Variants in SLC28A3 observed in about 807,000 individuals in gnomAD.
SLC28A3 encodes the protein solute carrier family 28 member 3.
A neutral mutation model predicts 84.2 loss-of-function variants in SLC28A3; 68 were observed. The observed-to-expected ratio is 0.81, with a 90% confidence interval of 0.66 to 0.99. The LOEUF (loss-of-function observed/expected upper bound fraction) is 0.99, where lower values mean the gene tolerates loss of function less well. Ranked by LOEUF, SLC28A3 falls within the 50% of genes least tolerant of loss-of-function variation. The pLI, the probability that SLC28A3 is intolerant of heterozygous loss-of-function variation, is 0.00. For missense variants in SLC28A3, 712 were observed against 841.5 expected (o/e 0.85, Z 1.90); for synonymous variants, 267 against 303.6 (o/e 0.88, Z 1.25).
the SLC28A3 span, among the ~76,000 whole-genome samples, chr9:84,363,083 G>T: frequency 6.6e-6 from 1 of 152,190 alleles, no homozygotes; most frequent in Non-Finnish European, 1.5e-5. Flanking sequence ...TTAACTTTCA[G>T]ATAGAGATTA....
the SLC28A3 span, among the ~76,000 whole-genome samples, chr9:84,367,483 G>A: frequency 1.3e-5 from 2 of 152,178 alleles, no homozygotes; most frequent in African/African-American, 2.4e-5. Flanking sequence ...GGTGTTTCTC[G>A]TCAGGTGGAG....
the SLC28A3 span, among the ~76,000 whole-genome samples, chr9:84,360,625 A>C: frequency 1.3e-5 from 2 of 152,314 alleles, no homozygotes; most frequent in Non-Finnish European, 1.5e-5. Flanking sequence ...GACATTTAAA[A>C]TACTGACACA....
chr9:84,316,519 T>A (rs1467694511), intron 1 of SLC28A3, among the ~76,000 whole-genome samples: 3 of 152,186 alleles, frequency 2.0e-5, no homozygotes, highest in African/African-American at 7.2e-5. Flanking sequence ...AAGGCCCACA[T>A]CCTTGTGATG....
rs1436627708 is a variant in SLC28A3 at position 84,313,443 on chromosome 9, G to GT, written c.71dup (p.Asn24LysfsTer4). The GT allele has an allele frequency of 6.8e-6, 11 of 1,613,490 alleles. No individual in the cohort carries two copies. Among genetic ancestry groups the GT allele is most frequent in the Admixed American group, 3.3e-5 (2 of 59,822 alleles). On this transcript the variant is annotated frameshift_variant, in exon 2 of 18. Coordinates refer to ENST00000376238, the MANE Select transcript of SLC28A3 (RefSeq NM_001199633.2). LOFTEE classifies it high-confidence loss of function. ...CTGATGTGTTCTCGTTCTCAAGAAA[G>GT]TTTTCTTCATTCTAAGAAAAAAGTG... is the stretch of plus-strand genomic sequence containing the variant.
intron 1 of SLC28A3, among the ~76,000 whole-genome samples, chr9:84,337,699 C>T (rs1287253477): frequency 4.6e-5 from 7 of 152,092 alleles, no homozygotes; most frequent in Admixed American, 1.3e-4. Flanking sequence ...TTATTTGCAA[C>T]TACTGTTGAA....
At chr9:84,341,021 T>C (rs4604528), upstream of SLC28A3, among the ~76,000 whole-genome samples, 76,721 of 148,876 alleles carry the variant, frequency 0.52, 21,449 homozygotes, top group Middle Eastern at 0.64. Context: ...AAAAAAAGGC[T>C]GGAGTGCAGT....
At chr9:84,321,394 A>G (rs1043135724) in intron 1 of SLC28A3, among the ~76,000 whole-genome samples, 1 of 152,012 alleles carries the variant, frequency 6.6e-6, no homozygotes, top group African/African-American at 2.4e-5. Flanking sequence ...AACAGTGGGA[A>G]GTCTTTTTCC....
At chr9:84,279,686 A>G (rs888228601) in intron 16 of SLC28A3, among the ~76,000 whole-genome samples, 12 of 152,198 alleles carry the variant, frequency 7.9e-5, no homozygotes, top group Non-Finnish European at 1.5e-4. Context: ...AACTCCTGAC[A>G]TCAGGTGACC....
At chr9:84,347,227 A>AAAAAAAAAG in the SLC28A3 span, among the ~76,000 whole-genome samples, 1 of 131,824 alleles carries the variant, frequency 7.6e-6, no homozygotes, top group African/African-American at 3.4e-5. Context: ...AAAAAAAAAA[A>AAAAAAAAAG]AAGGGAAGAA....
chr9:84,302,434 G>A (rs1825668886), intron 4 of SLC28A3, 45 bp from the exon 5 acceptor site: 1 of 1,583,596 alleles, frequency 6.3e-7, no homozygotes. Flanking sequence ...CTAACCACTG[G>A]GACACGCCTC....
Position 84,340,688 on chromosome 9 carries a change from AG to A in SLC28A3, c.-56del, listed in dbSNP as rs1333266713. The A allele has an allele frequency of 1.5e-5, 24 of 1,606,090 alleles. No homozygotes were observed. Among genetic ancestry groups the A allele is most frequent in the African/African-American group, 2.7e-5 (2 of 74,720 alleles). On this transcript the variant is annotated 5_prime_UTR_variant, in exon 1 of 18. Coordinates refer to ENST00000376238, the MANE Select transcript of SLC28A3 (RefSeq NM_001199633.2). ...TGGAGGTCCTTTGTACCTGGGAAAAAGCACCAGTCTCTGCTGATGTCAGAAA... is the reference window on the plus strand; with the variant it reads ...TGGAGGTCCTTTGTACCTGGGAAAAACACCAGTCTCTGCTGATGTCAGAAA...
At chr9:84,326,636 C>A (rs1470334512) in intron 1 of SLC28A3, among the ~76,000 whole-genome samples, 2 of 1,654 alleles carry the variant, frequency 1.2e-3, no homozygotes, top group East Asian at 0.034. Context: ...GGATTAAAAA[C>A]AACAACAACA....
Position 84,297,894 on chromosome 9 carries a change from A to T in SLC28A3, c.783+12T>A, listed in dbSNP as rs1248742922. 4 of 1,588,756 alleles carry T rather than the reference A, an allele frequency of 2.5e-6. No homozygotes were observed. In the African/African-American group the frequency reaches 5.5e-5, roughly 22 times the overall value. ...ACCATAAAAGCAAAGTGTTCTTTTG[A>T]ACCAAACTTACCTGAACTTGTCTGC... On this transcript the variant is annotated intron_variant, in intron 7 of 17. Coordinates refer to ENST00000376238, the MANE Select transcript of SLC28A3 (RefSeq NM_001199633.2).
intron 3 of SLC28A3, among the ~76,000 whole-genome samples, chr9:84,307,968 A>G (rs565491702): frequency 2.6e-5 from 4 of 152,374 alleles, no homozygotes; most frequent in Admixed American, 6.5e-5. Flanking sequence ...CCTCCGGGTC[A>G]GAGACTCATA....
At chr9:84,280,689 A>T (rs1209261389) in intron 15 of SLC28A3, 112 bp downstream of exon 15, 1 of 990,326 alleles carries the variant, frequency 1.0e-6, no homozygotes, top group African/African-American at 1.6e-5. Context: ...CAGAGGACTC[A>T]TGACTGTTGC....
intron 12 of SLC28A3, 93 bp from the exon 13 acceptor site, chr9:84,286,204 A>G (rs1824980673): frequency 1.6e-6 from 2 of 1,258,010 alleles, no homozygotes; most frequent in Non-Finnish European, 2.2e-6. Flanking sequence ...AGCTTAGATA[A>G]GAGACAAACT....
At chr9:84,327,608 T>C (rs1236626145) in intron 1 of SLC28A3, among the ~76,000 whole-genome samples, 1 of 152,068 alleles carries the variant, frequency 6.6e-6, no homozygotes, top group Non-Finnish European at 1.5e-5. Context: ...CATTATTTGA[T>C]CTATTTTGCA....
At chr9:84,343,779 G>A (rs1166612520), upstream of SLC28A3, among the ~76,000 whole-genome samples, 1 of 152,220 alleles carries the variant, frequency 6.6e-6, no homozygotes, top group Non-Finnish European at 1.5e-5. Flanking sequence ...TTGAGTAGCT[G>A]TGACAAATAC....
chr9:84,330,979 C>A (rs928836819), intron 1 of SLC28A3, among the ~76,000 whole-genome samples: 2 of 152,064 alleles, frequency 1.3e-5, no homozygotes, highest in Non-Finnish European at 2.9e-5. Context: ...TATTTTCTTT[C>A]CAGTGCCTCA....
Sources: allele counts gnomAD v4.1 joint callset (sites outside exome capture counted in the v4.1 genomes callset), GRCh38; gene constraint gnomAD v4.1.1; transcripts MANE v1.5; gene names NCBI Gene and HGNC (gene_info 2026-07-23, HGNC 2026-07-21).